The following ZBTB16 variants were observed in gnomAD, a reference collection of about 807,000 sequenced individuals.
The protein encoded by ZBTB16 is zinc finger and BTB domain-containing protein 16.
ZBTB16 carries 8 observed loss-of-function variants against 56.8 expected under a neutral mutation model. The ratio of observed to expected loss-of-function variants is 0.14; its 90% confidence interval spans 0.08 to 0.25. The LOEUF (loss-of-function observed/expected upper bound fraction) is 0.25. Among genes scored for constraint, ZBTB16 ranks in the 10% least tolerant of loss-of-function variants. The probability of loss-of-function intolerance (pLI) is 1.00; values close to 1 mark genes in which losing one functional copy is unlikely to be tolerated. For synonymous variants in ZBTB16, 363 were observed against 368.5 expected, an observed-to-expected ratio of 0.98 and a Z score of 0.17; for missense variants, 625 against 903.0, an observed-to-expected ratio of 0.69 and a Z score of 3.95.
chr11:114,187,159 G>A, intron 4 of ZBTB16, 121 bp downstream of exon 4: 1 of 945,056 alleles, frequency 1.1e-6, no homozygotes, highest in Non-Finnish European at 1.7e-6. Context: ...TCCTGGGCGA[G>A]CTGTGAGTAG....
chr11:114,064,586 C>G lies in ZBTB16; in HGVS notation c.1268+18C>G, dbSNP rs761002377. On this transcript the variant is annotated intron_variant, in intron 2 of 6. Coordinates refer to ENST00000335953, the MANE Select transcript of ZBTB16 (RefSeq NM_006006.6). This position sits in a 1 kb window ranked among gnomAD's most constrained non-coding sequence, Gnocchi z 4.2. The stretch of plus-strand genomic sequence containing the variant: ...CAGCACAGGTAGGCCCCGCTCCAGC[C>G]CCGCACCTGATGTAGGACTTGAGGC... The G allele has an allele frequency of 6.2e-7, 1 of 1,612,808 alleles. No individual in the cohort carries two copies. The highest frequency in any genetic ancestry group is 1.1e-5 in the South Asian group (1 of 91,020).
intron 4 of ZBTB16, among the ~76,000 whole-genome samples, chr11:114,199,996 C>T (rs1943700226): frequency 6.6e-6 from 1 of 151,854 alleles, no homozygotes; most frequent in African/African-American, 2.4e-5. Context: ...GGCTTGGTGG[C>T]GGGCACCTGT....
rs1233508110 is a variant in ZBTB16 at position 114,063,456 on chromosome 11, G to T, written c.156G>T (p.Leu52=). ...AGTTCCACGCCCACCGGACGGTGCTGGCCTGCACCAGCAAGATGTTTGAGA... is the reference window on the plus strand; with the variant it reads ...AGTTCCACGCCCACCGGACGGTGCTTGCCTGCACCAGCAAGATGTTTGAGA... ...SQEFHAHRTV[L]ACTSKMFEIL... is the part of the protein sequence containing the mutation. Residue 52 remains leucine (L), a synonymous_variant, in exon 2 of 7, where the codon CTG becomes CTT. Coordinates refer to ENST00000335953, the MANE Select transcript of ZBTB16 (RefSeq NM_006006.6). This position sits in a 1 kb window ranked among gnomAD's most constrained non-coding sequence, Gnocchi z 6.5. 6.2e-7 allele frequency: 1 copy of T among 1,614,160 alleles called. No homozygotes were observed.
intron 4 of ZBTB16, among the ~76,000 whole-genome samples, chr11:114,207,490 A>G (rs1045973656): frequency 6.6e-6 from 1 of 151,946 alleles, no homozygotes. Context: ...ACACTGAGCC[A>G]CTTAGAATTT....
intron 3 of ZBTB16, among the ~76,000 whole-genome samples, chr11:114,167,899 G>A (rs1053313022): frequency 6.6e-6 from 1 of 152,154 alleles, no homozygotes; most frequent in Non-Finnish European, 1.5e-5. Context: ...CCTGGTGCCC[G>A]ACCGGCGAGC....
At chr11:114,230,822 A>C (rs1278724567) in intron 4 of ZBTB16, among the ~76,000 whole-genome samples, 1 of 151,688 alleles carries the variant, frequency 6.6e-6, no homozygotes, top group Non-Finnish European at 1.5e-5. Flanking sequence ...GTCTCGCCCA[A>C]CCCCTGCTCC....
intron 2 of ZBTB16, among the ~76,000 whole-genome samples, chr11:114,087,288 G>A (rs1939990761): frequency 6.6e-6 from 1 of 152,214 alleles, no homozygotes. Flanking sequence ...GTTTCCACAA[G>A]CAACCCTCTG....
intron 4 of ZBTB16, among the ~76,000 whole-genome samples, chr11:114,203,954 G>GT (rs1483600820): frequency 1.3e-5 from 2 of 152,160 alleles, no homozygotes; most frequent in East Asian, 3.9e-4. Flanking sequence ...AGACGGGGTA[G>GT]TTGCGTCTGT....
intron 2 of ZBTB16, among the ~76,000 whole-genome samples, chr11:114,128,357 C>A (rs1941570635): frequency 6.6e-6 from 1 of 152,240 alleles, no homozygotes; most frequent in Non-Finnish European, 1.5e-5. Context: ...CCACCCACTA[C>A]TTCTGCATGG....
At chr11:114,167,732 G>T (rs1269181901) in intron 3 of ZBTB16, among the ~76,000 whole-genome samples, 4 of 151,850 alleles carry the variant, frequency 2.6e-5, no homozygotes, top group Non-Finnish European at 5.9e-5. Flanking sequence ...TTATCATCCC[G>T]GCAACAGCTA....
At chr11:114,072,573 A>T (rs1939388680) in intron 2 of ZBTB16, among the ~76,000 whole-genome samples, 1 of 152,136 alleles carries the variant, frequency 6.6e-6, no homozygotes, top group Non-Finnish European at 1.5e-5. Flanking sequence ...TCAGTGCAGG[A>T]TGCTTCTAAA....
chr11:114,112,922 A>G (rs1163284552), intron 2 of ZBTB16, among the ~76,000 whole-genome samples: 2 of 151,098 alleles, frequency 1.3e-5, no homozygotes, highest in East Asian at 3.9e-4. Flanking sequence ...GCACTACCAT[A>G]CCTAGGTTTT....
chr11:114,128,222 C>CT (rs994922281), intron 2 of ZBTB16, among the ~76,000 whole-genome samples: 5 of 152,222 alleles, frequency 3.3e-5, no homozygotes, highest in African/African-American at 1.2e-4. Context: ...TTAGGAGAGC[C>CT]TGGGGGGGAT....
rs1222062290 is a variant in ZBTB16 at position 114,113,226 on chromosome 11, G to A, written c.1269-43111G>A. The stretch of plus-strand genomic sequence containing the variant: ...CTTTGAATTCTATACTGTCTTTAGC[G>A]GTGTATAACAACCATTTATAAGTAC... On this transcript the variant is annotated intron_variant, in intron 2 of 6. Transcript: ENST00000335953. Among the ~76,000 whole-genome samples, 8 of 152,144 alleles carry A rather than the reference G, an allele frequency of 5.3e-5. No homozygotes were observed. In the South Asian group the frequency reaches 1.0e-3, roughly 20 times the overall value.
At chr11:114,232,601 C>CTGGGT (rs1944461481) in intron 4 of ZBTB16, among the ~76,000 whole-genome samples, 1 of 103,986 alleles carries the variant, frequency 9.6e-6, no homozygotes, top group Non-Finnish European at 2.0e-5. Flanking sequence ...CAGGGTTGGG[C>CTGGGT]TGGGTTGGGT....
chr11:114,236,057 C>G (rs17438970), intron 4 of ZBTB16, among the ~76,000 whole-genome samples: 3,255 of 152,162 alleles, frequency 0.021, 42 homozygotes, highest in Non-Finnish European at 0.034. Context: ...TGAGCAGATA[C>G]CCTGGGAGTC....
rs1371426273 is a variant in ZBTB16, at chr11:114,167,241, T to TTG, written c.1366+10808_1366+10809insGT. Among the ~76,000 whole-genome samples, 26 of 137,842 alleles carry TTG rather than the reference T, an allele frequency of 1.9e-4. 2 individuals are homozygous for TTG. The highest frequency in any genetic ancestry group is 6.7e-4 in the Admixed American group (9 of 13,530). 90.4% of individuals were successfully genotyped at this position (137,842 alleles called of 152,430 possible). ...GTTTTTTTTTTTTTTGGTTTTTTTTTTTTTTTTTTTTTGACAAGCTTGGTT... is the reference window on the plus strand; with the variant it reads ...GTTTTTTTTTTTTTTGGTTTTTTTTTTGTTTTTTTTTTTTGACAAGCTTGGTT... On this transcript the variant is annotated intron_variant, in intron 3 of 6. Transcript: ENST00000335953.
At chr11:114,197,050 A>G (rs1943627238) in intron 4 of ZBTB16, among the ~76,000 whole-genome samples, 3 of 152,024 alleles carry the variant, frequency 2.0e-5, no homozygotes. Flanking sequence ...CCCCTATTTG[A>G]AAAAGGGGGT....
At chr11:114,208,113 A>C (rs1010103774) in intron 4 of ZBTB16, among the ~76,000 whole-genome samples, 3 of 152,128 alleles carry the variant, frequency 2.0e-5, no homozygotes, top group Non-Finnish European at 4.4e-5. Flanking sequence ...CCCTTTTCAC[A>C]GTTGACCCTC....
Sources: gnomAD v4.1 joint callset for allele counts (sites outside exome capture counted in the v4.1 genomes callset) on GRCh38, gnomAD v4.1.1 for gene constraint, Gnocchi (gnomAD v3.1) non-coding constraint, MANE v1.5 for transcripts, NCBI Gene and HGNC (gene_info 2026-07-23, HGNC 2026-07-21) for gene names.